Variants in GPC5 observed in about 807,000 individuals in gnomAD.
The protein encoded by GPC5 is glypican 5.
A neutral mutation model predicts 53.9 loss-of-function variants in GPC5; 47 were observed. The ratio of observed to expected loss-of-function variants is 0.87; its 90% CI spans 0.69 to 1.11. GPC5 has a LOEUF of 1.11. GPC5 is among the 50% of genes most tolerant of loss of function. GPC5 has a pLI of 0.00. For synonymous variants in GPC5, 286 were observed against 263.3 expected (o/e 1.09, Z -0.84); for missense variants, 748 against 713.1 (o/e 1.05, Z -0.56).
chr13:91,514,609 C>T (rs1250799200), intron 2 of GPC5, among the ~76,000 whole-genome samples: 1 of 152,082 alleles, frequency 6.6e-6, no homozygotes, highest in South Asian at 2.1e-4. Flanking sequence ...AAAAATCCAT[C>T]TAGGAAGTAA....
intron 7 of GPC5, among the ~76,000 whole-genome samples, chr13:92,526,511 A>G (rs1881288420): frequency 6.6e-6 from 1 of 152,102 alleles, no homozygotes; most frequent in Non-Finnish European, 1.5e-5. Flanking sequence ...CAGATCACAC[A>G]GGACCTTGTA....
rs1212936627 is a variant in GPC5, at chr13:91,577,997, G to T, written c.326-115190G>T. Reference sequence around the variant, plus strand: ...TGTGTGATTTCTGTGGCTAGGCCATGAAAGATATTGTAGTTTCAGCCTTCC... The same window carrying T: ...TGTGTGATTTCTGTGGCTAGGCCATTAAAGATATTGTAGTTTCAGCCTTCC... On this transcript the variant is annotated intron_variant, in intron 2 of 7. Coordinates refer to ENST00000377067, the MANE Select transcript of GPC5 (RefSeq NM_004466.6). Among the ~76,000 whole-genome samples, 3 of 152,352 alleles carry T rather than the reference G, an allele frequency of 2.0e-5. No individual in the cohort carries two copies. In the East Asian group the frequency reaches 5.8e-4, roughly 29 times the overall value.
At chr13:92,498,678 A>G (rs1880075778) in intron 7 of GPC5, among the ~76,000 whole-genome samples, 2 of 152,142 alleles carry the variant, frequency 1.3e-5, no homozygotes, top group Admixed American at 6.5e-5. Flanking sequence ...CTGACTAGCT[A>G]CGTACTATAA....
intron 7 of GPC5, among the ~76,000 whole-genome samples, chr13:92,850,548 G>A (rs967411307): frequency 1.4e-4 from 22 of 152,052 alleles, no homozygotes; most frequent in Admixed American, 1.1e-3. Context: ...GTAGTAAGCC[G>A]ATGTTGTGCC....
chr13:92,713,503 G>A (rs887141985), intron 7 of GPC5, among the ~76,000 whole-genome samples: 2 of 150,576 alleles, frequency 1.3e-5, no homozygotes, highest in African/African-American at 2.4e-5. Flanking sequence ...AGCTACTCAG[G>A]AGGCTGAGGC....
intron 7 of GPC5, among the ~76,000 whole-genome samples, chr13:92,218,753 C>T (rs1218328267): frequency 6.6e-6 from 1 of 152,158 alleles, no homozygotes; most frequent in Non-Finnish European, 1.5e-5. Flanking sequence ...TAGTGTGATT[C>T]ACAGATAACG....
chr13:92,621,614 G>A (rs1359529184), intron 7 of GPC5, among the ~76,000 whole-genome samples: 1 of 152,050 alleles, frequency 6.6e-6, no homozygotes, highest in Non-Finnish European at 1.5e-5. Context: ...GTGGTCAAGA[G>A]CTCAAGACCA....
chr13:92,001,949 T>C (rs929347593), intron 6 of GPC5, among the ~76,000 whole-genome samples: 4 of 152,218 alleles, frequency 2.6e-5, no homozygotes, highest in Non-Finnish European at 5.9e-5. Flanking sequence ...AATTCTTGCA[T>C]TGTGAAAGAC....
chr13:91,521,755 A>G (rs1885829106), intron 2 of GPC5, among the ~76,000 whole-genome samples: 1 of 152,214 alleles, frequency 6.6e-6, no homozygotes, highest in Non-Finnish European at 1.5e-5. Flanking sequence ...TTCTGACACC[A>G]TCTACCTAAA....
chr13:92,481,119 G>C (rs1240823970), intron 7 of GPC5, among the ~76,000 whole-genome samples: 2 of 141,002 alleles, frequency 1.4e-5, no homozygotes, highest in African/African-American at 5.2e-5. Flanking sequence ...TTTTTTTTTT[G>C]AGACAGAGTC....
At chr13:92,285,276 G>T (rs183457123) in intron 7 of GPC5, among the ~76,000 whole-genome samples, 2 of 152,112 alleles carry the variant, frequency 1.3e-5, no homozygotes, top group Non-Finnish European at 2.9e-5. Context: ...CCATGCTCAT[G>T]GATAGGAAGA....
At chr13:92,705,504 A>G (rs548644253) in intron 7 of GPC5, among the ~76,000 whole-genome samples, 4 of 152,290 alleles carry the variant, frequency 2.6e-5, no homozygotes, top group African/African-American at 9.6e-5. Context: ...CAGAATTTAA[A>G]GACATAATAT....
intron 7 of GPC5, among the ~76,000 whole-genome samples, chr13:92,290,359 A>T (rs940019412): frequency 3.9e-5 from 6 of 152,118 alleles, no homozygotes; most frequent in African/African-American, 1.4e-4. Flanking sequence ...TCCATAGGTT[A>T]TTGAGGAACA....
At chr13:92,536,254 C>T (rs528888213) in intron 7 of GPC5, among the ~76,000 whole-genome samples, 32 of 151,972 alleles carry the variant, frequency 2.1e-4, no homozygotes, top group Middle Eastern at 3.4e-3. Context: ...GCTACATTTC[C>T]GATAGTATTC....
chr13:92,153,146 C>CT (rs1171986414), intron 7 of GPC5, among the ~76,000 whole-genome samples: 7 of 151,862 alleles, frequency 4.6e-5, no homozygotes, highest in African/African-American at 9.7e-5. Flanking sequence ...TGCTTTCTTT[C>CT]TTTTTTTTGA....
At chr13:92,711,046 T>A (rs1888121198) in intron 7 of GPC5, among the ~76,000 whole-genome samples, 1 of 152,210 alleles carries the variant, frequency 6.6e-6, no homozygotes, top group African/African-American at 2.4e-5. Context: ...TTTGGTGCAC[T>A]ATTCGTACAG....
chr13:92,510,163 T>G (rs1052650314), intron 7 of GPC5: 1 of 152,032 alleles, frequency 6.6e-6, no homozygotes, highest in African/African-American at 2.4e-5. Context: ...ACTTTAAAAA[T>G]TGTTTCTAGA....
At position 92,685,561 on chromosome 13, in the gene GPC5, T is replaced by TTTTTTTTTTTTAA. The variant is rs1491180415; in HGVS notation, c.1562-180710_1562-180709insAATTTTTTTTTTT. On this transcript the variant is annotated intron_variant, in intron 7 of 7. Transcript: ENST00000377067. ...TTATGCTCATTTTTTTTTTTTTTAA[T>TTTTTTTTTTTTAA]TTTTTTTTTTTTTATTATACTCTAA... Among the ~76,000 whole-genome samples, 709 of 100,784 alleles carry TTTTTTTTTTTTAA rather than the reference T, an allele frequency of 7.0e-3. 5 individuals carry two copies. The highest frequency in any genetic ancestry group is 0.013 in the South Asian group (37 of 2,846). 66.1% of individuals were successfully genotyped at this position (100,784 alleles called of 152,430 possible). A position where few individuals can be genotyped will look rare whatever the true frequency, so the allele number is the denominator to read the frequency against.
chr13:91,812,448 T>C (rs2038328100), intron 5 of GPC5, among the ~76,000 whole-genome samples: 2 of 152,230 alleles, frequency 1.3e-5, no homozygotes, highest in Admixed American at 1.3e-4. Flanking sequence ...AGCTGCTTTA[T>C]ACTCTGCCAC....
Sources: gnomAD v4.1 joint callset for allele counts (sites outside exome capture counted in the v4.1 genomes callset) on GRCh38, gnomAD v4.1.1 for gene constraint, MANE v1.5 for transcripts, NCBI Gene and HGNC (gene_info 2026-07-23, HGNC 2026-07-21) for gene names.